Variants in SNX11 observed in about 807,000 individuals in gnomAD.
SNX11 encodes sorting nexin-11.
Under a neutral mutation model 30.7 loss-of-function variants are expected in SNX11, and 19 were observed. The observed-to-expected ratio is 0.62, with a 90% CI of 0.43 to 0.91. SNX11 has a LOEUF of 0.91. SNX11 is among the 40% of genes least tolerant of loss of function. The probability of loss-of-function intolerance (pLI) is 0.00; values close to 1 mark genes in which losing one functional copy is unlikely to be tolerated. For synonymous variants in SNX11, 112 were observed against 119.0 expected (o/e 0.94, Z 0.38); for missense variants, 302 against 326.7 (o/e 0.92, Z 0.58).
At chr17:48,114,035 T>A (rs1456852977) in intron 4 of SNX11, among the ~76,000 whole-genome samples, 1 of 151,892 alleles carries the variant, frequency 6.6e-6, no homozygotes, top group Non-Finnish European at 1.5e-5. Flanking sequence ...TTTGTATTTT[T>A]AGTAGAGGTG....
chr17:48,113,546 G>T (rs2144511221), intron 4 of SNX11, 145 bp downstream of exon 4: 2 of 577,262 alleles, frequency 3.5e-6, no homozygotes, highest in Non-Finnish European at 6.1e-6. Context: ...TTTGTTTTTT[G>T]GGTTTTTTTT....
chr17:48,110,305 A>C (rs1050427419), intron 1 of SNX11, among the ~76,000 whole-genome samples: 4 of 152,246 alleles, frequency 2.6e-5, no homozygotes, highest in African/African-American at 9.6e-5. Context: ...TCAGATTGTC[A>C]GCAAGAATAC....
intron 4 of SNX11, chr17:48,113,617 C>T: frequency 2.4e-6 from 1 of 420,760 alleles, no homozygotes; most frequent in Non-Finnish European, 4.4e-6. Flanking sequence ...GCAATCATGG[C>T]TCACTGCAGC....
Position 48,118,698 on chromosome 17 carries a change from G to A in SNX11, c.231-6G>A, listed in dbSNP as rs2063569004. The A allele has an allele frequency of 1.2e-6, 2 of 1,610,274 alleles. No homozygotes were observed. Among genetic ancestry groups the A allele is most frequent in the South Asian group, 1.1e-5 (1 of 90,966 alleles). The stretch of plus-strand genomic sequence containing the variant: ...ATCATGGGTGTTATATCATGTGGCT[G>A]CACAGGCCTGTTCCTGAACTTCCTG... On this transcript the variant is annotated splice_polypyrimidine_tract_variant and splice_region_variant and intron_variant, in intron 4 of 6. Coordinates refer to ENST00000359238, the MANE Select transcript of SNX11 (RefSeq NM_013323.3).
chr17:48,109,333 C>T lies in SNX11; in HGVS notation c.-14+1495C>T, dbSNP rs796095220. On this transcript the variant is annotated intron_variant, in intron 1 of 6. Coordinates refer to ENST00000359238, the MANE Select transcript of SNX11 (RefSeq NM_013323.3). ...GGAGTGCAGTGGTGCGATCTCGGCT[C>T]ACTGCAACCTCCACCTCCTGGGTTC... 2.3e-4 allele frequency among the ~76,000 whole-genome samples: 35 copies of T among 149,512 alleles called. 1 individual carries two copies. Among genetic ancestry groups the T allele is most frequent in the Admixed American group, 6.7e-4 (10 of 14,906 alleles).
Position 48,113,318 on chromosome 17 carries a change from T to C in SNX11, c.147T>C (p.Phe49=). The change falls in exon 4 of 7, where the codon TTT becomes TTC. Residue 49 remains phenylalanine (F), a synonymous_variant. Coordinates refer to ENST00000359238, the MANE Select transcript of SNX11 (RefSeq NM_013323.3). ...ATGTATAGACCAACAGCAAAGCCTT[T>C]ACTGCCAAGACTTCCTGTGTGCGGC... is the stretch of plus-strand genomic sequence containing the variant. ...KIFLHTNSKA[F]TAKTSCVRRR... 6.2e-7 allele frequency: 1 copy of C among 1,613,530 alleles called. No individual in the cohort carries two copies. The highest frequency in any genetic ancestry group is 8.5e-7 in the Non-Finnish European group (1 of 1,179,638).
At chr17:48,118,601 G>A (rs986397660) in intron 4 of SNX11, 103 bp from the exon 5 acceptor site, 3 of 666,132 alleles carry the variant, frequency 4.5e-6, no homozygotes, top group Non-Finnish European at 5.2e-6. Context: ...AAAGCTATTT[G>A]TATTGATTAG....
intron 6 of SNX11, 95 bp from the exon 7 acceptor site, chr17:48,121,140 C>T: frequency 7.4e-7 from 1 of 1,358,228 alleles, no homozygotes; most frequent in Non-Finnish European, 1.0e-6. Context: ...CACATGCCAA[C>T]ATCCCTGGCT....
At chr17:48,113,470 T>C in intron 4 of SNX11, 69 bp downstream of exon 4, 2 of 1,027,522 alleles carry the variant, frequency 1.9e-6, no homozygotes, top group Non-Finnish European at 3.1e-6. Flanking sequence ...GGAACTGGAG[T>C]TGACAATGAA....
chr17:48,114,709 A>T (rs2063526962), intron 4 of SNX11, among the ~76,000 whole-genome samples: 1 of 117,652 alleles, frequency 8.5e-6, no homozygotes. Context: ...TTTGAGACAG[A>T]GTTTCACTTT....
Position 48,119,181 on chromosome 17 carries a change from T to A in SNX11, c.534T>A (p.Pro178=). 1 of 1,612,870 alleles carries A rather than the reference T, an allele frequency of 6.2e-7. No individual in the cohort carries two copies. Among genetic ancestry groups the A allele is most frequent in the Non-Finnish European group, 8.5e-7 (1 of 1,179,108 alleles). Residue 178 remains proline, a synonymous_variant, in exon 6 of 7, where the codon CCT becomes CCA. Coordinates refer to ENST00000359238, the MANE Select transcript of SNX11 (RefSeq NM_013323.3). ...SSSHLAKGDQ[P]KSCCFLPRSG... ...CTCACCTGGCTAAAGGAGACCAGCC[T>A]AAGAGGTAACTGGAGTACTCTTTGA...
intron 4 of SNX11, among the ~76,000 whole-genome samples, chr17:48,117,340 C>T (rs569183233): frequency 5.5e-4 from 84 of 151,660 alleles, no homozygotes; most frequent in Non-Finnish European, 1.0e-3. Flanking sequence ...CTGCAAGCTC[C>T]GCCTCCCAGG....
At chr17:48,120,201 G>GTTTTTTTTTTT (rs61680588) in intron 6 of SNX11, among the ~76,000 whole-genome samples, 2 of 74,220 alleles carry the variant, frequency 2.7e-5, no homozygotes, top group South Asian at 5.4e-4. Context: ...GCATTTATCT[G>GTTTTTTTTTTT]TTTTTTTTTT....
At chr17:48,111,874 T>C (rs1429984747) in intron 1 of SNX11, 157 bp from the exon 2 acceptor site, 1 of 413,836 alleles carries the variant, frequency 2.4e-6, no homozygotes, top group Non-Finnish European at 4.2e-6. Flanking sequence ...CTAATGGGGA[T>C]TTTTTTTTTG....
intron 4 of SNX11, among the ~76,000 whole-genome samples, chr17:48,118,144 TACTTA>T (rs914299582): frequency 6.6e-6 from 1 of 152,220 alleles, no homozygotes; most frequent in Non-Finnish European, 1.5e-5. Context: ...GTGAGACATT[TACTTA>T]ACTTCTCTGA....
At chr17:48,120,106 TTC>T (rs2063583255) in intron 6 of SNX11, among the ~76,000 whole-genome samples, 1 of 152,206 alleles carries the variant, frequency 6.6e-6, no homozygotes, top group African/African-American at 2.4e-5. Context: ...TACTGTTTTT[TTC>T]TCTTTTTTTC....
At chr17:48,117,956 G>A (rs2063561826) in intron 4 of SNX11, among the ~76,000 whole-genome samples, 2 of 152,252 alleles carry the variant, frequency 1.3e-5, no homozygotes, top group Middle Eastern at 3.4e-3. Context: ...TTGAGGCTGC[G>A]GCGAGCTATG....
intron 5 of SNX11, 69 bp downstream of exon 5, chr17:48,118,868 G>A: frequency 6.4e-7 from 1 of 1,559,214 alleles, no homozygotes. Flanking sequence ...GTGCCAGGCA[G>A]GATGGAGCTC....
rs1310042329 is a variant in SNX11, at chr17:48,123,275, T to C, written c.*1767T>C. ...GATGCTAAGCTAATGGCATCCGCTC[T>C]GCCGATTGGTGGGGATGGCTCATGA... is the stretch of plus-strand genomic sequence containing the variant. On this transcript the variant is annotated 3_prime_UTR_variant, in exon 7 of 7. Coordinates refer to ENST00000359238, the MANE Select transcript of SNX11 (RefSeq NM_013323.3). Among the ~76,000 whole-genome samples the C allele has an allele frequency of 6.6e-6, 1 of 152,216 alleles. No homozygotes were observed. Among genetic ancestry groups the C allele is most frequent in the Non-Finnish European group, 1.5e-5 (1 of 68,044 alleles).
Sources: gnomAD v4.1 joint callset for allele counts (sites outside exome capture counted in the v4.1 genomes callset) on GRCh38, gnomAD v4.1.1 for gene constraint, MANE v1.5 for transcripts, NCBI Gene and HGNC (gene_info 2026-07-23, HGNC 2026-07-21) for gene names.